ZNF723: variants seen among roughly 807,000 people sequenced by gnomAD.
The protein encoded by ZNF723 is zinc finger protein 723.
ZNF723 carries 5 observed loss-of-function variants against 9.4 expected under a neutral mutation model. The observed-to-expected ratio is 0.53, with a 90% CI of 0.28 to 1.12. The LOEUF (loss-of-function observed/expected upper bound fraction) is 1.12. Among genes scored for constraint, ZNF723 ranks in the 50% most tolerant of loss-of-function variants. The pLI is 0.10. For synonymous variants in ZNF723, 158 were observed against 168.8 expected (o/e 0.94, Z 0.49); for missense variants, 450 against 501.5 (o/e 0.90, Z 0.98).
chr19:22,855,688 C>T (rs75811259), intron 3 of ZNF723, among the ~76,000 whole-genome samples: 1,713 of 152,214 alleles, frequency 0.011, 87 homozygotes, highest in East Asian at 0.1. Flanking sequence ...GTATTATTCT[C>T]ACTTGATAGG....
At chr19:22,834,943 C>A (rs1228411460) in intron 1 of ZNF723, among the ~76,000 whole-genome samples, 1 of 152,100 alleles carries the variant, frequency 6.6e-6, no homozygotes, top group African/African-American at 2.4e-5. Flanking sequence ...TGCAGTGTCT[C>A]CTCAGAGGGG....
In ZNF723 at chr19:22,848,287, A is replaced by G. The variant is rs970920547; in HGVS notation, c.30A>G (p.Ala10=). 3 of 1,238,632 alleles carry G rather than the reference A, an allele frequency of 2.4e-6. No individual in the cohort carries two copies. The highest frequency in any genetic ancestry group is 3.0e-5 in the African/African-American group (2 of 66,244). The allele number at this position is 1,238,632 out of a possible 1,614,324, so 76.7% of individuals were successfully genotyped here. A position where few individuals can be genotyped will look rare whatever the true frequency, so the allele number is the denominator to read the frequency against. MGPLTFTDV[A]IKFSLEEWQF... The stretch of plus-strand genomic sequence containing the variant: ...GACCATTGACATTCACAGATGTGGC[A>G]ATAAAATTTTCTCTGGAGGAGTGGC... The change falls in exon 2 of 4, where the codon GCA becomes GCG. Residue 10 remains alanine, a synonymous_variant. Transcript: ENST00000600766.
At position 22,848,248 on chromosome 19, in the gene ZNF723, G is replaced by GTT; in HGVS notation, c.4-5_4-4dup. 7 of 930,074 alleles carry GTT rather than the reference G, an allele frequency of 7.5e-6. No individual in the cohort carries two copies. The highest frequency in any genetic ancestry group is 2.6e-5 in the East Asian group (1 of 38,192). 57.6% of individuals were successfully genotyped at this position (930,074 alleles called of 1,614,324 possible). A position where few individuals can be genotyped will look rare whatever the true frequency, so the allele number is the denominator to read the frequency against. ...TAAATATGTGTGTATGTGTGTGTGT[G>GTT]TTTTTTTTTCAGGGACCATTGACAT... On this transcript the variant is annotated splice_polypyrimidine_tract_variant and intron_variant, in intron 1 of 3. Transcript: ENST00000600766.
At chr19:22,835,902 C>T (rs1877337032) in intron 1 of ZNF723, among the ~76,000 whole-genome samples, 2 of 152,042 alleles carry the variant, frequency 1.3e-5, no homozygotes, top group South Asian at 4.1e-4. Flanking sequence ...ATTTTTAATG[C>T]AAATAATAAA....
chr19:22,835,069 GTTT>G (rs57260930), intron 1 of ZNF723, among the ~76,000 whole-genome samples: 2 of 139,698 alleles, frequency 1.4e-5, no homozygotes. Flanking sequence ...TTTGTTGGTT[GTTT>G]TTTTTTTTTT....
At chr19:22,831,560 A>G (rs1599468967), upstream of ZNF723, among the ~76,000 whole-genome samples, 2 of 152,064 alleles carry the variant, frequency 1.3e-5, no homozygotes, top group Admixed American at 1.3e-4. Flanking sequence ...CCGTATCAAA[A>G]AAAAAAAATT....
Position 22,857,976 on chromosome 19 carries a change from T to C in ZNF723, c.1085T>C (p.Ile362Thr), listed in dbSNP as rs1372880756. 1 of 1,538,274 alleles carries C rather than the reference T, an allele frequency of 6.5e-7. No individual in the cohort carries two copies. The highest frequency in any genetic ancestry group is 1.4e-5 in the African/African-American group (1 of 73,254). ...TCACACATTACTACACATAAGAGAA[T>C]TCACACTGGAGAGAAACCCTACAAA... is the stretch of plus-strand genomic sequence containing the variant. ...QSSHITTHKR[I>T]HTGEKPYKCE... Residue 362 changes from isoleucine (I) to threonine (T), a missense_variant, in exon 4 of 4, where the codon ATT (isoleucine) becomes ACT (threonine). Ile to Thr is a moderately conservative substitution (Grantham distance 89, BLOSUM62 -1). Around this residue, in one of 5 missense-constraint regions of ZNF723, gnomAD observed 237 missense variants for 332.2 expected, o/e 0.71. Coordinates refer to ENST00000600766, the MANE Select transcript of ZNF723 (RefSeq NM_001349726.2).
At chr19:22,846,813 CTTTTTTTTTTTTTTTT>C (rs760924027) in intron 1 of ZNF723, among the ~76,000 whole-genome samples, 804 of 69,148 alleles carry the variant, frequency 0.012, 18 homozygotes, top group South Asian at 0.039. Flanking sequence ...CTATAATTTC[CTTTTTTTTTTTTTTTT>C]TTTTTTTTTT....
At chr19:22,833,620 T>C (rs8106709) in intron 1 of ZNF723, among the ~76,000 whole-genome samples, 5,162 of 152,066 alleles carry the variant, frequency 0.034, 275 homozygotes, top group African/African-American at 0.12. Flanking sequence ...ATTTTTTTTT[T>C]CTTTTTTGAA....
At chr19:22,838,796 G>A (rs1253539441) in intron 1 of ZNF723, among the ~76,000 whole-genome samples, 1 of 151,888 alleles carries the variant, frequency 6.6e-6, no homozygotes, top group African/African-American at 2.4e-5. Context: ...TGCCCAAGCT[G>A]GAGTGCAATG....
chr19:22,818,348 G>A, the ZNF723 span, among the ~76,000 whole-genome samples: 1 of 152,110 alleles, frequency 6.6e-6, no homozygotes, highest in African/African-American at 2.4e-5. Context: ...GCCCTCAGTT[G>A]AGGTTCTAAA....
intron 2 of ZNF723, among the ~76,000 whole-genome samples, chr19:22,848,761 A>T (rs933349119): frequency 2.0e-5 from 3 of 150,734 alleles, no homozygotes; most frequent in African/African-American, 7.3e-5. Flanking sequence ...TTATTTATTT[A>T]TTTATTTATT....
the ZNF723 span, among the ~76,000 whole-genome samples, chr19:22,826,438 A>G: frequency 6.6e-6 from 1 of 152,212 alleles, no homozygotes; most frequent in East Asian, 1.9e-4. Flanking sequence ...ATCAAAAAGG[A>G]TTACATCACT....
chr19:22,832,454 G>A (rs1191672415), intron 1 of ZNF723, 72 bp downstream of exon 1: 5 of 1,310,524 alleles, frequency 3.8e-6, no homozygotes, highest in Middle Eastern at 1.9e-4. Flanking sequence ...TGGCTGTGGC[G>A]GGACTCAGGC....
chr19:22,815,641 G>A, the ZNF723 span, among the ~76,000 whole-genome samples: 1 of 152,146 alleles, frequency 6.6e-6, no homozygotes, highest in Non-Finnish European at 1.5e-5. Context: ...CCAGCTACCA[G>A]GTGCATTGGT....
At chr19:22,818,725 T>C in the ZNF723 span, among the ~76,000 whole-genome samples, 1 of 152,232 alleles carries the variant, frequency 6.6e-6, no homozygotes, top group African/African-American at 2.4e-5. Context: ...ATGTGATTGT[T>C]ACATACCAGT....
the ZNF723 span, among the ~76,000 whole-genome samples, chr19:22,812,605 G>A: frequency 3.9e-5 from 6 of 152,188 alleles, no homozygotes; most frequent in East Asian, 7.7e-4. Context: ...GAAAGCTCTC[G>A]GGTGGTACTG....
At chr19:22,834,257 T>C (rs1308183358) in intron 1 of ZNF723, among the ~76,000 whole-genome samples, 2 of 152,150 alleles carry the variant, frequency 1.3e-5, no homozygotes, top group African/African-American at 4.8e-5. Context: ...AATCTTTTTT[T>C]TTTTACAGCG....
the ZNF723 span, among the ~76,000 whole-genome samples, chr19:22,825,838 C>T: frequency 2.6e-5 from 4 of 152,216 alleles, no homozygotes; most frequent in African/African-American, 9.6e-5. Context: ...ACTGCATGGG[C>T]AGTGTTCACA....
Sources: allele counts gnomAD v4.1 joint callset (sites outside exome capture counted in the v4.1 genomes callset), GRCh38; gene constraint gnomAD v4.1.1; regional missense constraint gnomAD v4.1.1; transcripts MANE v1.5; gene names NCBI Gene and HGNC (gene_info 2026-07-23, HGNC 2026-07-21).